ANKDD1A: variants seen among roughly 807,000 people sequenced by gnomAD.
ANKDD1A encodes the protein ankyrin repeat and death domain containing 1A.
Under a neutral mutation model 63.5 loss-of-function variants are expected in ANKDD1A, and 59 were observed. That is an observed-to-expected ratio of 0.93 (90% CI 0.75 to 1.15). The LOEUF (loss-of-function observed/expected upper bound fraction) is 1.15. ANKDD1A is among the 50% of genes most tolerant of loss of function. ANKDD1A has a pLI of 0.00. For synonymous variants in ANKDD1A, 266 were observed against 263.9 expected, an observed-to-expected ratio of 1.01 and a Z score of -0.08; for missense variants, 632 against 656.4, an observed-to-expected ratio of 0.96 and a Z score of 0.41.
intron 1 of ANKDD1A, among the ~76,000 whole-genome samples, chr15:64,913,603 G>A (rs189475637): frequency 6.6e-6 from 1 of 152,278 alleles, no homozygotes; most frequent in East Asian, 1.9e-4. Flanking sequence ...TTGCCCCCCA[G>A]GGTAGCAACT....
chr15:64,924,940 C>T (rs2085034375), intron 4 of ANKDD1A, among the ~76,000 whole-genome samples: 1 of 152,070 alleles, frequency 6.6e-6, no homozygotes, highest in South Asian at 2.1e-4. Context: ...GAAATACACA[C>T]ACTGGGCCGG....
intron 14 of ANKDD1A, among the ~76,000 whole-genome samples, chr15:64,952,796 TTTCTTCTC>T (rs2085321214): frequency 7.8e-6 from 1 of 127,416 alleles, no homozygotes; most frequent in Admixed American, 7.9e-5. Flanking sequence ...TCCTTCTTCT[TTTCTTCTC>T]CTTCTCCTCC....
intron 14 of ANKDD1A, among the ~76,000 whole-genome samples, chr15:64,952,523 C>CCTTCTCCTTCCTTCGT (rs2085310841): frequency 6.7e-6 from 1 of 148,388 alleles, no homozygotes; most frequent in Admixed American, 6.8e-5. Flanking sequence ...CTTTCTTCTT[C>CCTTCTCCTTCCTTCGT]CTTCGTCTTC....
intron 9 of ANKDD1A, among the ~76,000 whole-genome samples, chr15:64,938,677 C>T (rs889022140): frequency 2.0e-5 from 3 of 152,160 alleles, no homozygotes; most frequent in African/African-American, 7.2e-5. Flanking sequence ...AAGGGCCAGA[C>T]GCAGTGGCTC....
chr15:64,954,877 C>T (rs867194733), intron 14 of ANKDD1A, among the ~76,000 whole-genome samples: 3,774 of 146,050 alleles, frequency 0.026, 109 homozygotes, highest in African/African-American at 0.07. Flanking sequence ...TTTTCTTCTT[C>T]CTTCTCCTCC....
intron 9 of ANKDD1A, among the ~76,000 whole-genome samples, chr15:64,937,241 A>G (rs955777733): frequency 1.3e-5 from 2 of 152,180 alleles, no homozygotes; most frequent in African/African-American, 2.4e-5. Flanking sequence ...TTACAAATAC[A>G]TGTGCCCTTT....
In ANKDD1A at chr15:64,917,520, T is replaced by TGTCC. The variant is rs2140364646; in HGVS notation, c.267+9_267+10insCGTC. 7.2e-7 allele frequency: 1 copy of TGTCC among 1,388,834 alleles called. No individual in the cohort carries two copies. Among genetic ancestry groups the TGTCC allele is most frequent in the Non-Finnish European group, 9.5e-7 (1 of 1,048,316 alleles). The allele number at this position is 1,388,834 out of a possible 1,614,324, so 86.0% of individuals were successfully genotyped here. A position where few individuals can be genotyped will look rare whatever the true frequency, so the allele number is the denominator to read the frequency against. On this transcript the variant is annotated splice_region_variant and intron_variant, in intron 3 of 14. Coordinates refer to ENST00000319580, the MANE Select transcript of ANKDD1A (RefSeq NM_182703.6). ...TCACAGAGGCACGTCTGTGTGTACG[T>TGTCC]GTCTGTCTGTCTGTCTGTCTCAGGG...
intron 13 of ANKDD1A, 142 bp downstream of exon 13, chr15:64,947,735 C>T: frequency 1.0e-6 from 1 of 985,492 alleles, no homozygotes; most frequent in Non-Finnish European, 1.5e-6. Context: ...ACACCTGGTG[C>T]TCTGTCCCTC....
chr15:64,939,512 G>A (rs985825668), intron 9 of ANKDD1A, among the ~76,000 whole-genome samples: 1 of 152,182 alleles, frequency 6.6e-6, no homozygotes, highest in African/African-American at 2.4e-5. Context: ...TTCCTCCAGA[G>A]GCTGAGGCAG....
rs564353761 is a variant in ANKDD1A at position 64,926,021 on chromosome 15, G to A, written c.367-45G>A. On this transcript the variant is annotated intron_variant, in intron 4 of 14. Transcript: ENST00000319580. The stretch of plus-strand genomic sequence containing the variant: ...GGGAGACTGGCAGTGTGTGAAAAGG[G>A]CCTCCCTTCACAGACTGCAGGAACC... 27 of 1,556,082 alleles carry A rather than the reference G, an allele frequency of 1.7e-5. 1 individual carries two copies. The South Asian group carries it at 3.1e-4, about 18-fold the overall frequency.
intron 6 of ANKDD1A, among the ~76,000 whole-genome samples, chr15:64,930,206 G>A (rs755421949): frequency 2.0e-5 from 3 of 151,338 alleles, no homozygotes; most frequent in Non-Finnish European, 2.9e-5. Flanking sequence ...CACGTTTACC[G>A]ATGTAACAAA....
intron 14 of ANKDD1A, among the ~76,000 whole-genome samples, chr15:64,954,950 C>G (rs1386190927): frequency 2.7e-5 from 4 of 148,888 alleles, no homozygotes; most frequent in South Asian, 2.1e-4. Context: ...GTCTCTTCTT[C>G]TCTCTCCTTC....
intron 3 of ANKDD1A, 64 bp downstream of exon 3, chr15:64,917,578 A>G (rs1032768865): frequency 3.0e-5 from 46 of 1,511,830 alleles, no homozygotes; most frequent in Admixed American, 4.2e-5. Context: ...CTCTGGGTCT[A>G]TGAGCCAGTT....
At chr15:64,955,537 G>A (rs2085409959) in intron 14 of ANKDD1A, among the ~76,000 whole-genome samples, 1 of 152,138 alleles carries the variant, frequency 6.6e-6, no homozygotes, top group African/African-American at 2.4e-5. Flanking sequence ...TGTGTTTCTG[G>A]GGAATTGTGG....
chr15:64,936,854 T>G (rs1048470896), intron 9 of ANKDD1A, among the ~76,000 whole-genome samples: 2 of 151,914 alleles, frequency 1.3e-5, no homozygotes, highest in African/African-American at 4.8e-5. Context: ...TAAAAAAAAT[T>G]TTTTAAAAAT....
intron 14 of ANKDD1A, among the ~76,000 whole-genome samples, chr15:64,954,504 CTTCTTCTCCTCT>C (rs1259779072): frequency 1.0e-4 from 13 of 129,106 alleles, no homozygotes; most frequent in South Asian, 5.3e-4. Context: ...CTTCTTCTTC[CTTCTTCTCCTCT>C]TTCTTCTCCT....
At chr15:64,934,269 T>G in intron 9 of ANKDD1A, 35 bp downstream of exon 9, 1 of 1,580,022 alleles carries the variant, frequency 6.3e-7, no homozygotes. Flanking sequence ...GGGGTCTCCA[T>G]TGCAAAGCCT....
At chr15:64,945,386 G>T (rs1209770053) in intron 12 of ANKDD1A, among the ~76,000 whole-genome samples, 1 of 151,884 alleles carries the variant, frequency 6.6e-6, no homozygotes, top group East Asian at 1.9e-4. Flanking sequence ...TACACATTAA[G>T]TTGAAACCAT....
intron 12 of ANKDD1A, among the ~76,000 whole-genome samples, chr15:64,945,607 C>CTTATATATAT (rs1277861527): frequency 0.035 from 2,620 of 73,832 alleles, 131 homozygotes; most frequent in African/African-American, 0.057. Context: ...GCATTTTCAA[C>CTTATATATAT]ATATATATAT....
Sources: allele counts gnomAD v4.1 joint callset (sites outside exome capture counted in the v4.1 genomes callset), GRCh38; gene constraint gnomAD v4.1.1; transcripts MANE v1.5; gene names NCBI Gene and HGNC (gene_info 2026-07-23, HGNC 2026-07-21).